DYM: variants seen among roughly 807,000 people sequenced by gnomAD.
DYM encodes dymeclin, also known as dyggve-Melchior-Clausen syndrome protein.
DYM carries 78 observed loss-of-function variants against 93.1 expected under a neutral mutation model. The ratio of observed to expected loss-of-function variants is 0.84; its 90% CI spans 0.70 to 1.01. The LOEUF (loss-of-function observed/expected upper bound fraction) is 1.01. DYM is among the 50% of genes least tolerant of loss of function. DYM has a pLI of 0.00. For missense variants in DYM, 789 were observed against 845.0 expected (o/e 0.93, Z 0.82); for synonymous variants, 321 against 319.7 (o/e 1.00, Z -0.04).
intron 7 of DYM, 50 bp downstream of exon 7, chr18:49,333,678 T>A: frequency 6.3e-7 from 1 of 1,581,076 alleles, no homozygotes; most frequent in Non-Finnish European, 8.7e-7. Context: ...AGACTAGAAA[T>A]ATAGATTTAT....
At chr18:49,383,034 A>G (rs12455698) in intron 3 of DYM, among the ~76,000 whole-genome samples, 13,887 of 152,236 alleles carry the variant, frequency 0.091, 854 homozygotes, top group East Asian at 0.31. Context: ...ACCCCACGCA[A>G]GGATACAATG....
At chr18:49,135,869 G>T (rs1344673032) in intron 15 of DYM, among the ~76,000 whole-genome samples, 1 of 152,228 alleles carries the variant, frequency 6.6e-6, no homozygotes, top group Non-Finnish European at 1.5e-5. Context: ...TTTAAGTCTA[G>T]TGCTGAAATA....
At chr18:49,405,853 A>G (rs2071433796) in intron 2 of DYM, among the ~76,000 whole-genome samples, 1 of 152,164 alleles carries the variant, frequency 6.6e-6, no homozygotes, top group African/African-American at 2.4e-5. Flanking sequence ...CTTCCCATCC[A>G]TGAATATGGA....
At chr18:49,298,748 G>C (rs1007410639) in intron 8 of DYM, among the ~76,000 whole-genome samples, 1 of 151,882 alleles carries the variant, frequency 6.6e-6, no homozygotes, top group African/African-American at 2.4e-5. Flanking sequence ...TATGAAGATC[G>C]ATTCCTGTTT....
At chr18:49,088,255 A>G (rs968736704) in intron 17 of DYM, among the ~76,000 whole-genome samples, 1 of 152,154 alleles carries the variant, frequency 6.6e-6, no homozygotes, top group Non-Finnish European at 1.5e-5. Flanking sequence ...TAGGTCTAAC[A>G]CCTAAGTCTT....
At chr18:49,180,902 A>G (rs1025087967) in intron 14 of DYM, among the ~76,000 whole-genome samples, 2 of 152,148 alleles carry the variant, frequency 1.3e-5, no homozygotes, top group Non-Finnish European at 2.9e-5. Flanking sequence ...TTCAGTTCCA[A>G]TTGATTTCTG....
At chr18:49,105,614 T>C (rs1232233549) in intron 16 of DYM, among the ~76,000 whole-genome samples, 3 of 152,260 alleles carry the variant, frequency 2.0e-5, no homozygotes, top group Non-Finnish European at 4.4e-5. Context: ...TGTGTCTTTG[T>C]TCTCTTTGGT....
rs1456868546 is a variant in DYM, at chr18:49,258,506, A to G, written c.1252-13T>C. 4.7e-6 allele frequency: 7 copies of G among 1,477,772 alleles called. No individual in the cohort carries two copies. The highest frequency in any genetic ancestry group is 6.6e-6 in the Non-Finnish European group (7 of 1,056,608). 91.5% of individuals were successfully genotyped at this position (1,477,772 alleles called of 1,614,324 possible). ...TATTTTTTAGTATCTGTAATGGGGA[A>G]GAAAAGTTTAAGTAAAAAATGATTG... is the stretch of plus-strand genomic sequence containing the variant. On this transcript the variant is annotated splice_polypyrimidine_tract_variant and intron_variant, in intron 11 of 17. Coordinates refer to ENST00000675505, the MANE Select transcript of DYM (RefSeq NM_001353214.3).
At chr18:49,393,601 T>C (rs2147933900) in intron 2 of DYM, 2 of 152,186 alleles carry the variant, frequency 1.3e-5, no homozygotes, top group East Asian at 3.9e-4. Context: ...AGAAACCCCA[T>C]CTCTACTAAA....
chr18:49,157,696 T>C (rs1014510924), intron 15 of DYM, among the ~76,000 whole-genome samples: 5 of 152,238 alleles, frequency 3.3e-5, no homozygotes, highest in Non-Finnish European at 5.9e-5. Flanking sequence ...GCAAATATCC[T>C]CTCCCATTCT....
intron 5 of DYM, among the ~76,000 whole-genome samples, chr18:49,368,217 T>C (rs1033006809): frequency 2.0e-5 from 3 of 152,230 alleles, no homozygotes; most frequent in South Asian, 4.1e-4. Context: ...AAAGATAATA[T>C]ACTCTACCAG....
intron 1 of DYM, among the ~76,000 whole-genome samples, chr18:49,432,329 C>CAAAAAAAAAAAAAAAAAAAAAAAAA (rs11429840): frequency 2.6e-5 from 2 of 75,828 alleles, no homozygotes; most frequent in Non-Finnish European, 5.5e-5. Flanking sequence ...AAGACTGTCT[C>CAAAAAAAAAAAAAAAAAAAAAAAAA]AAAAAAAAAA....
At chr18:49,105,122 C>A (rs1352508740) in intron 16 of DYM, among the ~76,000 whole-genome samples, 1 of 152,150 alleles carries the variant, frequency 6.6e-6, no homozygotes, top group African/African-American at 2.4e-5. Flanking sequence ...TCAACTTCTT[C>A]CTGGTTTAGT....
intron 14 of DYM, among the ~76,000 whole-genome samples, chr18:49,175,176 A>T (rs1345623188): frequency 6.6e-6 from 1 of 152,178 alleles, no homozygotes; most frequent in Non-Finnish European, 1.5e-5. Context: ...TGCCAAGTTC[A>T]TTTAAGGCCT....
chr18:49,235,403 G>C (rs1053328937), intron 13 of DYM, among the ~76,000 whole-genome samples: 1 of 152,020 alleles, frequency 6.6e-6, no homozygotes, highest in African/African-American at 2.4e-5. Context: ...GCAATATCAT[G>C]ATCAAAAGCT....
At chr18:49,129,653 C>G (rs972017000) in intron 15 of DYM, among the ~76,000 whole-genome samples, 1 of 152,190 alleles carries the variant, frequency 6.6e-6, no homozygotes, top group Non-Finnish European at 1.5e-5. Context: ...TTCTCACTAT[C>G]CTCTACTAGG....
chr18:49,441,984 C>T (rs572479633), intron 1 of DYM, among the ~76,000 whole-genome samples: 1 of 152,302 alleles, frequency 6.6e-6, no homozygotes, highest in Admixed American at 6.5e-5. Flanking sequence ...TACAGCTCCA[C>T]AGTGAGTTTC....
intron 15 of DYM, among the ~76,000 whole-genome samples, chr18:49,162,645 A>G (rs968826548): frequency 5.9e-5 from 9 of 152,212 alleles, no homozygotes; most frequent in Middle Eastern, 3.2e-3. Context: ...GCAGTTGGTA[A>G]TAAACTCTTC....
intron 6 of DYM, among the ~76,000 whole-genome samples, chr18:49,357,110 C>T (rs954725553): frequency 6.6e-6 from 1 of 151,938 alleles, no homozygotes; most frequent in African/African-American, 2.4e-5. Context: ...CTAAGAAGTC[C>T]CTATCCAGTT....
Sources: allele counts gnomAD v4.1 joint callset (sites outside exome capture counted in the v4.1 genomes callset), GRCh38; gene constraint gnomAD v4.1.1; transcripts MANE v1.5; gene names NCBI Gene and HGNC (gene_info 2026-07-23, HGNC 2026-07-21).